The following UBAP2 variants were observed in gnomAD, a reference collection of about 807,000 sequenced individuals.
The protein encoded by UBAP2 is ubiquitin-associated protein 2.
In UBAP2, 75 loss-of-function variants were observed where a neutral mutation model predicts 139.6. The observed-to-expected ratio is 0.54, with a 90% CI of 0.45 to 0.65. The LOEUF is 0.65. Ranked by LOEUF, UBAP2 falls within the 30% of genes least tolerant of loss-of-function variation. UBAP2 has a pLI of 0.00. For missense variants in UBAP2, 1,368 were observed against 1,369.6 expected, an observed-to-expected ratio of 1.00 and a Z score of 0.02; for synonymous variants, 526 against 526.2, an observed-to-expected ratio of 1.00 and a Z score of 0.01.
intron 1 of UBAP2, among the ~76,000 whole-genome samples, chr9:34,036,209 G>A (rs1826352985): frequency 1.3e-5 from 2 of 151,250 alleles, no homozygotes; most frequent in African/African-American, 2.4e-5. Flanking sequence ...CCGCCTCCCA[G>A]GTTCAAACGA....
intron 16 of UBAP2, among the ~76,000 whole-genome samples, chr9:33,939,175 T>G (rs1228483688): frequency 6.7e-6 from 1 of 150,068 alleles, no homozygotes; most frequent in East Asian, 2.0e-4. Flanking sequence ...ATAACATTAT[T>G]TGATTTCCTA....
chr9:34,020,096 G>A (rs1824785434), intron 1 of UBAP2, among the ~76,000 whole-genome samples: 1 of 149,504 alleles, frequency 6.7e-6, no homozygotes, highest in Admixed American at 6.7e-5. Context: ...GGAGGCGGAG[G>A]TTGCAGTGAG....
intron 5 of UBAP2, 150 bp downstream of exon 5, chr9:33,988,823 G>T: frequency 1.2e-6 from 1 of 823,964 alleles, no homozygotes; most frequent in Non-Finnish European, 1.9e-6. Context: ...TAATCTTTCA[G>T]TCGTTCAGAA....
At chr9:34,038,644 T>A (rs1452254076) in intron 1 of UBAP2, among the ~76,000 whole-genome samples, 1 of 152,074 alleles carries the variant, frequency 6.6e-6, no homozygotes, top group Non-Finnish European at 1.5e-5. Context: ...AACCTCCACC[T>A]CCCACCCGCC....
intron 13 of UBAP2, among the ~76,000 whole-genome samples, chr9:33,945,924 TACCTGTAG>T (rs1367600614): frequency 2.0e-5 from 3 of 152,254 alleles, no homozygotes; most frequent in Non-Finnish European, 2.9e-5. Context: ...AGTACAAGTA[TACCTGTAG>T]GATCAACTGG....
intron 21 of UBAP2, 43 bp from the exon 22 acceptor site, chr9:33,926,707 C>T (rs984965317): frequency 6.2e-7 from 1 of 1,610,162 alleles, no homozygotes; most frequent in African/African-American, 1.3e-5. Context: ...CCACATACCA[C>T]ACCCTGGGAA....
At chr9:34,007,775 A>C (rs537841286) in intron 2 of UBAP2, among the ~76,000 whole-genome samples, 1 of 151,388 alleles carries the variant, frequency 6.6e-6, no homozygotes, top group South Asian at 2.1e-4. Flanking sequence ...AGTAGCTGGG[A>C]CTACAGGCAC....
At chr9:33,959,590 TTTA>T (rs1826862018) in intron 10 of UBAP2, among the ~76,000 whole-genome samples, 1 of 152,194 alleles carries the variant, frequency 6.6e-6, no homozygotes, top group South Asian at 2.1e-4. Context: ...CTTTTTTCTC[TTTA>T]TTATTTAACT....
intron 2 of UBAP2, among the ~76,000 whole-genome samples, chr9:34,016,257 GGAAGAGGAGGAA>G (rs1490099491): frequency 3.7e-5 from 1 of 27,206 alleles, no homozygotes; most frequent in Non-Finnish European, 1.0e-4. Context: ...AGGAGGAGGA[GGAAGAGGAGGAA>G]GAGAAGGAGG....
chr9:34,043,677 A>G (rs951033994), intron 1 of UBAP2, among the ~76,000 whole-genome samples: 1 of 151,826 alleles, frequency 6.6e-6, no homozygotes, highest in Non-Finnish European at 1.5e-5. Context: ...CATTTTTTTT[A>G]TAGAGACAGG....
chr9:33,940,720 A>G (rs1489575314), intron 16 of UBAP2, among the ~76,000 whole-genome samples: 1 of 152,200 alleles, frequency 6.6e-6, no homozygotes, highest in African/African-American at 2.4e-5. Flanking sequence ...TCAAGGCTGC[A>G]GTGTGCTGTG....
intron 10 of UBAP2, among the ~76,000 whole-genome samples, chr9:33,957,538 T>C (rs559307694): frequency 6.6e-6 from 1 of 152,354 alleles, no homozygotes; most frequent in African/African-American, 2.4e-5. Flanking sequence ...CTTCTTTCAC[T>C]CAGCATAATT....
Position 34,035,514 on chromosome 9 carries a change from A to ATATATATATATAT in UBAP2, c.-42+13310_-42+13311insATATATATATATA, listed in dbSNP as rs1554692767. Among the ~76,000 whole-genome samples, 87 of 22,488 alleles carry ATATATATATATAT rather than the reference A, an allele frequency of 3.9e-3. 2 individuals carry two copies. Among genetic ancestry groups the ATATATATATATAT allele is most frequent in the African/African-American group, 0.01 (81 of 7,848 alleles). The allele number at this position is 22,488 out of a possible 152,430, so 14.8% of individuals were successfully genotyped here. ...GAGACTCCATCTAAAAAAAAAAAAA[A>ATATATATATATAT]ATATATATATATAAAGATTAGCCAG... is the stretch of plus-strand genomic sequence containing the variant. On this transcript the variant is annotated intron_variant, in intron 1 of 28. Transcript: ENST00000379238.
intron 1 of UBAP2, among the ~76,000 whole-genome samples, chr9:34,030,910 AC>A (rs1164428476): frequency 6.6e-6 from 1 of 152,038 alleles, no homozygotes; most frequent in African/African-American, 2.4e-5. Flanking sequence ...AACCTGGGCG[AC>A]AGAGCAAGAC....
In UBAP2 at chr9:33,927,048, GCA is replaced by G; in HGVS notation, c.2402_2403del (p.Val801AlafsTer25). The G allele has an allele frequency of 6.2e-7, 1 of 1,613,570 alleles. No homozygotes were observed. The highest frequency in any genetic ancestry group is 8.5e-7 in the Non-Finnish European group (1 of 1,179,752). ...AGGTACTGGTTGTGCAGCAGGGGAG[GCA>G]CCCCCTGAGGTAAGTTTGGGGGTGC... ...GKAPPNLPQG[V>X]PPLLHNQYLV... On this transcript the variant is annotated frameshift_variant, in exon 21 of 29. Coordinates refer to ENST00000379238, the MANE Select transcript of UBAP2 (RefSeq NM_001370062.2). LOFTEE classifies it high-confidence loss of function.
At chr9:34,018,090 G>C (rs1230505355) in intron 1 of UBAP2, among the ~76,000 whole-genome samples, 1 of 151,750 alleles carries the variant, frequency 6.6e-6, no homozygotes, top group Non-Finnish European at 1.5e-5. Flanking sequence ...TTGAGGCTAA[G>C]ATGGGAAGAC....
At chr9:33,954,267 T>TACACAC (rs368965909) in intron 11 of UBAP2, among the ~76,000 whole-genome samples, 1,339 of 101,656 alleles carry the variant, frequency 0.013, 9 homozygotes, top group African/African-American at 0.02. Flanking sequence ...AGTGTGTGTA[T>TACACAC]ATACACACAC....
intron 8 of UBAP2, among the ~76,000 whole-genome samples, chr9:33,969,670 C>G (rs1827753541): frequency 6.8e-6 from 1 of 147,912 alleles, no homozygotes; most frequent in South Asian, 2.1e-4. Flanking sequence ...AGTTCAAGAC[C>G]AGCCTGGCCA....
chr9:34,003,220 G>A lies in UBAP2; in HGVS notation c.100-4356C>T, dbSNP rs180962007. Among the ~76,000 whole-genome samples, 13 of 151,544 alleles carry A rather than the reference G, an allele frequency of 8.6e-5. No homozygotes were observed. In the East Asian group the frequency reaches 2.1e-3, roughly 25 times the overall value. ...GCTAATTTTTGGTTTTGGTAGAGACGGGGTTTCACCATGTTGGTCAGGCTG... is the reference window on the plus strand; with the variant it reads ...GCTAATTTTTGGTTTTGGTAGAGACAGGGTTTCACCATGTTGGTCAGGCTG... On this transcript the variant is annotated intron_variant, in intron 2 of 28. Transcript: ENST00000379238.
Sources: allele counts gnomAD v4.1 joint callset (sites outside exome capture counted in the v4.1 genomes callset), GRCh38; gene constraint gnomAD v4.1.1; transcripts MANE v1.5; gene names NCBI Gene and HGNC (gene_info 2026-07-23, HGNC 2026-07-21).